The following COL6A1 variants were observed in gnomAD, a reference collection of about 807,000 sequenced individuals.
The protein encoded by COL6A1 is collagen type VI alpha 1 chain, also known as collagen alpha-1(VI) chain.
Under a neutral mutation model 145.6 loss-of-function variants are expected in COL6A1, and 80 were observed. The ratio of observed to expected loss-of-function variants is 0.55; its 90% CI spans 0.46 to 0.66. The LOEUF is 0.66. Among genes scored for constraint, COL6A1 ranks in the 30% least tolerant of loss-of-function variants. COL6A1 has a pLI of 0.00. For synonymous variants in COL6A1, 638 were observed against 622.8 expected, an observed-to-expected ratio of 1.02 and a Z score of -0.36; for missense variants, 1,364 against 1,473.8, an observed-to-expected ratio of 0.93 and a Z score of 1.22.
rs775344473 is a variant in COL6A1, at chr21:45,990,473, G to A, written c.1002+51G>A. 13 of 481,256 alleles carry A rather than the reference G, an allele frequency of 2.7e-5. 1 individual carries two copies. The African/African-American group carries it at 2.9e-4, about 11-fold the overall frequency. The allele number at this position is 481,256 out of a possible 1,614,324, so 29.8% of individuals were successfully genotyped here. ...GGGGAGGGACGAGGAGGAATGGGGC[G>A]AGATGGGGAGGGACGGAGTGGACGG... On this transcript the variant is annotated intron_variant, in intron 13 of 34. Coordinates refer to ENST00000361866, the MANE Select transcript of COL6A1 (RefSeq NM_001848.3).
intron 2 of COL6A1, 92 bp downstream of exon 2, chr21:45,982,855 C>T (rs2077715927): frequency 2.6e-6 from 4 of 1,552,186 alleles, no homozygotes; most frequent in African/African-American, 2.8e-5. Context: ...GCGACGGCCT[C>T]AACCTCCTAA....
intron 30 of COL6A1, among the ~76,000 whole-genome samples, chr21:46,001,667 C>T (rs2077846202): frequency 6.6e-6 from 1 of 152,180 alleles, no homozygotes; most frequent in South Asian, 2.1e-4. Flanking sequence ...TGGGCTTGTC[C>T]CTCGTGGACA....
chr21:45,987,307 G>C, intron 6 of COL6A1, 132 bp downstream of exon 6: 1 of 1,509,148 alleles, frequency 6.6e-7, no homozygotes, highest in Non-Finnish European at 9.1e-7. Context: ...CTGCGTGTCT[G>C]CCCGTGTGCC....
In COL6A1 at chr21:45,992,741, C is replaced by T. The variant is rs1478209508; in HGVS notation, c.1273-7C>T. ...GAGGCTTCTCCCCTCCATGTCTCTC[C>T]ACTCAGGGTGGCCCTGGAGAGAGAG... On this transcript the variant is annotated splice_polypyrimidine_tract_variant and splice_region_variant and intron_variant, in intron 18 of 34. Transcript: ENST00000361866. The T allele has an allele frequency of 4.4e-6, 7 of 1,586,530 alleles. No homozygotes were observed. Among genetic ancestry groups the T allele is most frequent in the Middle Eastern group, 1.7e-4 (1 of 6,004 alleles).
intron 17 of COL6A1, 22 bp from the exon 18 acceptor site, chr21:45,992,341 C>A: frequency 1.2e-6 from 2 of 1,613,816 alleles, no homozygotes; most frequent in African/African-American, 1.3e-5. Flanking sequence ...CTAACGCCGG[C>A]GTCTGTTTCT....
At chr21:45,983,660 G>GC (rs2077721143) in intron 2 of COL6A1, among the ~76,000 whole-genome samples, 1 of 151,670 alleles carries the variant, frequency 6.6e-6, no homozygotes, top group African/African-American at 2.4e-5. Flanking sequence ...GCAGTGTTTG[G>GC]GGGGGGGTCT....
At chr21:46,002,458 G>C in intron 32 of COL6A1, 57 bp downstream of exon 32, 1 of 1,613,388 alleles carries the variant, frequency 6.2e-7, no homozygotes, top group South Asian at 1.1e-5. Flanking sequence ...CGCCAGCCAG[G>C]GTGGCCTTGT....
At chr21:45,999,920 GAC>G (rs2077830317) in intron 27 of COL6A1, among the ~76,000 whole-genome samples, 1 of 144,688 alleles carries the variant, frequency 6.9e-6, no homozygotes, top group African/African-American at 2.6e-5. Flanking sequence ...GATCATGGGG[GAC>G]ATGTGAGGAT....
chr21:45,990,447 C>A lies in COL6A1; in HGVS notation c.1002+25C>A, dbSNP rs527643529. 1.7e-5 allele frequency: 7 copies of A among 423,710 alleles called. No individual in the cohort carries two copies. The East Asian group carries it at 5.0e-4, about 31-fold the overall frequency. 26.2% of individuals were successfully genotyped at this position (423,710 alleles called of 1,614,324 possible). Reference sequence around the variant, plus strand: ...GGTGACTGGGGGGAGATAGGATGGACGGGGAGGGACGAGGAGGAATGGGGC... The same window carrying A: ...GGTGACTGGGGGGAGATAGGATGGAAGGGGAGGGACGAGGAGGAATGGGGC... On this transcript the variant is annotated intron_variant, in intron 13 of 34. Transcript: ENST00000361866.
chr21:45,992,520 G>T, intron 18 of COL6A1, 122 bp downstream of exon 18: 1 of 1,266,532 alleles, frequency 7.9e-7, no homozygotes, highest in South Asian at 1.4e-5. Flanking sequence ...AGACAAATGG[G>T]TTTCTTCACC....
At chr21:46,001,106 G>A (rs570385459) in intron 29 of COL6A1, 147 bp from the exon 30 acceptor site, 1,467 of 1,126,720 alleles carry the variant, frequency 1.3e-3, no homozygotes, top group Middle Eastern at 2.0e-3. Context: ...CCATGGGAGG[G>A]GGTGGGCTTT....
At chr21:45,986,140 G>A (rs2077737641) in intron 3 of COL6A1, among the ~76,000 whole-genome samples, 1 of 152,166 alleles carries the variant, frequency 6.6e-6, no homozygotes, top group Non-Finnish European at 1.5e-5. Flanking sequence ...AAGAGCCACG[G>A]TGACCGAGCA....
chr21:45,986,572 G>A lies in COL6A1; in HGVS notation c.475G>A (p.Gly159Arg), dbSNP rs1471465037. 4.5e-6 allele frequency: 7 copies of A among 1,565,756 alleles called. No individual in the cohort carries two copies. Among genetic ancestry groups the A allele is most frequent in the East Asian group, 2.4e-5 (1 of 41,980 alleles). Reference protein sequence around the residue: ...ENKYLIVVTDGHPLEGYKEPC... With the variant: ...ENKYLIVVTDRHPLEGYKEPC... ...TAAGTACCTGATTGTGGTGACCGACGGGCACCCCCTGGAGGGCTACAAGGA... is the reference window on the plus strand; with the variant it reads ...TAAGTACCTGATTGTGGTGACCGACAGGCACCCCCTGGAGGGCTACAAGGA... Residue 159 changes from glycine to arginine, a missense_variant, in exon 4 of 35, where the codon GGG (glycine) becomes AGG (arginine). Coordinates refer to ENST00000361866, the MANE Select transcript of COL6A1 (RefSeq NM_001848.3).
Position 46,004,004 on chromosome 21 carries a change from G to T in COL6A1, c.3078G>T (p.Ala1026=), listed in dbSNP as rs190043330. The change falls in exon 35 of 35, where the codon GCG becomes GCT. Residue 1026 remains alanine, a synonymous_variant. Coordinates refer to ENST00000361866, the MANE Select transcript of COL6A1 (RefSeq NM_001848.3). ...ACCAGACAGTCTCCAGGAAGGTGGC[G>T]CTGGGCTAGCCCACCCTGCACGCCG... ...VFHQTVSRKV[A]LG is the part of the protein sequence containing the mutation. 1 of 1,613,100 alleles carries T rather than the reference G, an allele frequency of 6.2e-7. No individual in the cohort carries two copies. The highest frequency in any genetic ancestry group is 1.1e-5 in the South Asian group (1 of 91,082).
At chr21:45,999,920 G>GGA (rs1569518882) in intron 27 of COL6A1, among the ~76,000 whole-genome samples, 4 of 144,806 alleles carry the variant, frequency 2.8e-5, no homozygotes, top group Non-Finnish European at 4.6e-5. Flanking sequence ...GATCATGGGG[G>GGA]ACATGTGAGG....
intron 20 of COL6A1, among the ~76,000 whole-genome samples, chr21:45,996,225 C>T (rs913465339): frequency 5.3e-5 from 8 of 152,228 alleles, no homozygotes; most frequent in East Asian, 1.9e-4. Context: ...GCCCCCTTTT[C>T]GTGTTCCCAA....
chr21:45,989,159 G>T lies in COL6A1; in HGVS notation c.858+22G>T, dbSNP rs767120916. 11 of 1,583,508 alleles carry T rather than the reference G, an allele frequency of 6.9e-6. No homozygotes were observed. The East Asian group carries it at 2.5e-4, about 35-fold the overall frequency. On this transcript the variant is annotated intron_variant, in intron 9 of 34. Coordinates refer to ENST00000361866, the MANE Select transcript of COL6A1 (RefSeq NM_001848.3). ...TCCTGTGAGTGCCTGACTGTGGGGT[G>T]GGGGCCCTAAGAAGCTGGAGGCGGG... is the stretch of plus-strand genomic sequence containing the variant.
Position 45,994,979 on chromosome 21 carries a change from A to G in COL6A1, c.1398+750A>G, listed in dbSNP as rs530434679. ...GCGCAGCTGCCCACACACCGAGCAC[A>G]AGGCCAGACCCTGGGCACGGCAGCT... On this transcript the variant is annotated intron_variant, in intron 20 of 34. Transcript: ENST00000361866. The surrounding 1 kb of genome is among the most constrained non-coding windows in gnomAD (Gnocchi z 6.8). Among the ~76,000 whole-genome samples the G allele has an allele frequency of 6.6e-5, 10 of 152,398 alleles. No individual in the cohort carries two copies. In the South Asian group the frequency reaches 2.1e-3, roughly 32 times the overall value.
At chr21:46,003,265 GCTCA>G (rs1350695316) in intron 34 of COL6A1, 116 bp downstream of exon 34, 2 of 1,603,268 alleles carry the variant, frequency 1.2e-6, no homozygotes, top group Non-Finnish European at 1.7e-6. Context: ...TAGGTGCATG[GCTCA>G]CTCCGGTGGC....
Sources: allele counts gnomAD v4.1 joint callset (sites outside exome capture counted in the v4.1 genomes callset), GRCh38; gene constraint gnomAD v4.1.1; non-coding constraint Gnocchi (gnomAD v3.1); transcripts MANE v1.5; gene names NCBI Gene and HGNC (gene_info 2026-07-23, HGNC 2026-07-21).